PCDH15: variants seen among roughly 807,000 people sequenced by gnomAD.
The protein encoded by PCDH15 is protocadherin related 15.
PCDH15 carries 129 observed loss-of-function variants against 178.5 expected under a neutral mutation model. The observed-to-expected ratio is 0.72, with a 90% CI of 0.63 to 0.84. The LOEUF (loss-of-function observed/expected upper bound fraction) is 0.84, where lower values mean the gene tolerates loss of function less well. PCDH15 is among the 40% of genes least tolerant of loss of function. The pLI, the probability that PCDH15 is intolerant of heterozygous loss-of-function variation, is 0.00. For synonymous variants in PCDH15, 800 were observed against 732.0 expected, an observed-to-expected ratio of 1.09 and a Z score of -1.50; for missense variants, 2,230 against 2,099.9, an observed-to-expected ratio of 1.06 and a Z score of -1.21.
At chr10:54,371,007 A>G (rs1164135497) in intron 4 of PCDH15, among the ~76,000 whole-genome samples, 2 of 151,768 alleles carry the variant, frequency 1.3e-5, no homozygotes, top group East Asian at 3.9e-4. Context: ...TTTTATATCT[A>G]CTCTATTTCT....
intron 2 of PCDH15, among the ~76,000 whole-genome samples, chr10:55,600,737 A>G (rs953281258): frequency 6.6e-6 from 1 of 152,280 alleles, no homozygotes; most frequent in Non-Finnish European, 1.5e-5. Flanking sequence ...AAGTGCCCTT[A>G]CAAGACTAGG....
chr10:53,981,379 G>A (rs112864610), intron 21 of PCDH15, among the ~76,000 whole-genome samples: 17 of 152,200 alleles, frequency 1.1e-4, no homozygotes, highest in African/African-American at 4.1e-4. Context: ...GAAAACTTAG[G>A]GAATTTCAGT....
chr10:54,120,174 T>C (rs2095190512), intron 15 of PCDH15, among the ~76,000 whole-genome samples: 1 of 152,174 alleles, frequency 6.6e-6, no homozygotes, highest in Non-Finnish European at 1.5e-5. Context: ...ATTAAGCATC[T>C]TAAGCAAATG....
At chr10:54,766,432 C>T (rs1365758347) in intron 1 of PCDH15, among the ~76,000 whole-genome samples, 18 of 151,716 alleles carry the variant, frequency 1.2e-4, no homozygotes, top group African/African-American at 2.4e-5. Context: ...GCTTAATTAC[C>T]ATTTAAAGCT....
intron 10 of PCDH15, among the ~76,000 whole-genome samples, chr10:54,213,028 C>T (rs2051613974): frequency 6.6e-6 from 1 of 152,116 alleles, no homozygotes; most frequent in Non-Finnish European, 1.5e-5. Context: ...GCTTCCCTAC[C>T]TTACTTCCTT....
chr10:54,763,479 T>C (rs558650859), intron 1 of PCDH15, among the ~76,000 whole-genome samples: 10 of 152,184 alleles, frequency 6.6e-5, no homozygotes, highest in South Asian at 4.1e-4. Flanking sequence ...TGGAACTGTG[T>C]GGAGTTTATT....
chr10:54,381,186 T>A (rs913180741), intron 3 of PCDH15, among the ~76,000 whole-genome samples: 4 of 152,046 alleles, frequency 2.6e-5, no homozygotes, highest in African/African-American at 7.2e-5. Context: ...ACATATTTTT[T>A]AAAAATTAAC....
chr10:54,872,776 A>G (rs1390232442), intron 3 of PCDH15, among the ~76,000 whole-genome samples: 1 of 152,094 alleles, frequency 6.6e-6, no homozygotes, highest in Non-Finnish European at 1.5e-5. Flanking sequence ...GAACAATCGC[A>G]GGAGCAAGTA....
chr10:55,549,062 A>G (rs1238164397), intron 2 of PCDH15, among the ~76,000 whole-genome samples: 1 of 152,162 alleles, frequency 6.6e-6, no homozygotes, highest in East Asian at 1.9e-4. Flanking sequence ...ACACATTTCA[A>G]TCATCTTGTT....
chr10:54,620,361 T>G (rs1423434802), intron 2 of PCDH15, among the ~76,000 whole-genome samples: 6 of 152,190 alleles, frequency 3.9e-5, no homozygotes, highest in African/African-American at 1.4e-4. Context: ...GGATTTAATA[T>G]ATCAGATGGG....
Position 54,543,826 on chromosome 10 carries a change from C to T in PCDH15, c.92-15949G>A, listed in dbSNP as rs192672512. Among the ~76,000 whole-genome samples, 185 of 152,224 alleles carry T rather than the reference C, an allele frequency of 1.2e-3. 1 individual carries two copies. Among genetic ancestry groups the T allele is most frequent in the African/African-American group, 4.3e-3 (178 of 41,544 alleles). ...AACTTGCAACTCCAGGGCTAATTTT[C>T]CCCACCGCTGTTGCTCACCAAACAG... On this transcript the variant is annotated intron_variant, in intron 2 of 37. Coordinates refer to ENST00000644397, the MANE Select transcript of PCDH15 (RefSeq NM_001384140.1).
intron 8 of PCDH15, among the ~76,000 whole-genome samples, chr10:54,302,755 G>C (rs1024480220): frequency 6.6e-6 from 1 of 152,122 alleles, no homozygotes; most frequent in Admixed American, 6.6e-5. Context: ...ACACATAATA[G>C]GTACTCTAGT....
chr10:54,727,818 A>T (rs1240985636), intron 1 of PCDH15, among the ~76,000 whole-genome samples: 1 of 151,510 alleles, frequency 6.6e-6, no homozygotes, highest in Non-Finnish European at 1.5e-5. Flanking sequence ...CTAGTCACAT[A>T]AACTAGAAAA....
At chr10:54,653,125 C>T (rs2094299135) in intron 2 of PCDH15, among the ~76,000 whole-genome samples, 1 of 152,052 alleles carries the variant, frequency 6.6e-6, no homozygotes, top group South Asian at 2.1e-4. Flanking sequence ...TAAACAAGAA[C>T]AGATGACTTA....
At chr10:54,773,288 T>C (rs1185806128) in intron 1 of PCDH15, among the ~76,000 whole-genome samples, 1 of 152,120 alleles carries the variant, frequency 6.6e-6, no homozygotes, top group Non-Finnish European at 1.5e-5. Flanking sequence ...AGGGAGAAAC[T>C]AGATCTAAAT....
intron 2 of PCDH15, among the ~76,000 whole-genome samples, chr10:55,047,761 T>C (rs1841048464): frequency 1.3e-5 from 2 of 151,910 alleles, no homozygotes; most frequent in Non-Finnish European, 2.9e-5. Context: ...CATTTTTTAA[T>C]GGAATGTCTT....
At chr10:55,574,197 T>C (rs913055425) in intron 2 of PCDH15, among the ~76,000 whole-genome samples, 1 of 152,054 alleles carries the variant, frequency 6.6e-6, no homozygotes, top group Admixed American at 6.6e-5. Context: ...TATAACTGGA[T>C]AGTTTTCTCT....
intron 3 of PCDH15, among the ~76,000 whole-genome samples, chr10:54,869,434 T>A (rs1953996203): frequency 6.6e-6 from 1 of 152,162 alleles, no homozygotes; most frequent in African/African-American, 2.4e-5. Context: ...CCTGGAAAAG[T>A]AATATTTGTT....
intron 20 of PCDH15, among the ~76,000 whole-genome samples, chr10:54,006,133 C>T (rs1433281249): frequency 1.3e-5 from 2 of 152,068 alleles, no homozygotes; most frequent in Admixed American, 1.3e-4. Context: ...TATTTTTAAT[C>T]CTGGACATGC....
Sources: allele counts gnomAD v4.1 joint callset (sites outside exome capture counted in the v4.1 genomes callset), GRCh38; gene constraint gnomAD v4.1.1; transcripts MANE v1.5; gene names NCBI Gene and HGNC (gene_info 2026-07-23, HGNC 2026-07-21).